The following MAP3K14 variants were observed in gnomAD, a reference collection of about 807,000 sequenced individuals.
MAP3K14 encodes mitogen-activated protein kinase kinase kinase 14.
In MAP3K14, 16 loss-of-function variants were observed where a neutral mutation model predicts 99.2. That is an observed-to-expected ratio of 0.16 (90% CI 0.11 to 0.24). The LOEUF is 0.24. Ranked by LOEUF, MAP3K14 falls within the 10% of genes least tolerant of loss-of-function variation. MAP3K14 has a pLI of 1.00. For missense variants in MAP3K14, 784 were observed against 1,208.7 expected (o/e 0.65, Z 5.21); for synonymous variants, 462 against 492.4 (o/e 0.94, Z 0.82).
intron 1 of MAP3K14, among the ~76,000 whole-genome samples, chr17:45,305,373 G>T (rs2143862767): frequency 6.7e-6 from 1 of 150,222 alleles, no homozygotes; most frequent in East Asian, 2.0e-4. Flanking sequence ...TGGGATTACA[G>T]GCGTGAGCCA....
chr17:45,289,153 AG>A (rs2044291406), intron 3 of MAP3K14, 82 bp downstream of exon 3: 12 of 1,250,122 alleles, frequency 9.6e-6, no homozygotes, highest in African/African-American at 3.0e-5. Context: ...CGGGGTCAGC[AG>A]GAGCGGCCCA....
chr17:45,305,323 C>G (rs2044422642), intron 1 of MAP3K14, among the ~76,000 whole-genome samples: 6 of 151,770 alleles, frequency 4.0e-5, no homozygotes, highest in Admixed American at 3.9e-4. Flanking sequence ...GTCTCGATCT[C>G]CTGACCTCGT....
intron 1 of MAP3K14, among the ~76,000 whole-genome samples, chr17:45,299,280 C>G (rs1395277446): frequency 1.3e-5 from 2 of 152,146 alleles, no homozygotes; most frequent in Admixed American, 6.5e-5. Flanking sequence ...TGGCCAGGCA[C>G]AGTGCCTCAT....
intron 8 of MAP3K14, 28 bp from the exon 9 acceptor site, chr17:45,273,635 G>A (rs779775081): frequency 1.9e-6 from 3 of 1,560,654 alleles, no homozygotes; most frequent in Non-Finnish European, 2.6e-6. Context: ...GGAGGAAGAG[G>A]AACAGGTGAG....
chr17:45,302,773 C>T (rs1445707497), intron 1 of MAP3K14, among the ~76,000 whole-genome samples: 2 of 152,202 alleles, frequency 1.3e-5, no homozygotes, highest in Non-Finnish European at 2.9e-5. Flanking sequence ...CAAGCACAAA[C>T]CCATGTGTGG....
At chr17:45,282,484 G>A (rs745839620) in intron 6 of MAP3K14, among the ~76,000 whole-genome samples, 8 of 151,606 alleles carry the variant, frequency 5.3e-5, no homozygotes, top group Non-Finnish European at 8.8e-5. Context: ...GGGTCTGTGG[G>A]GCTGAGGCTG....
At position 45,264,757 on chromosome 17, in the gene MAP3K14, G is replaced by A; in HGVS notation, c.2723C>T (p.Pro908Leu). 1 of 1,613,530 alleles carries A rather than the reference G, an allele frequency of 6.2e-7. No homozygotes were observed. Among genetic ancestry groups the A allele is most frequent in the South Asian group, 1.1e-5 (1 of 90,946 alleles). Residue 908 changes from proline (P) to leucine (L), a missense_variant, in exon 16 of 16, where the codon CCT (proline) becomes CTT (leucine). Pro to Leu is a moderately conservative substitution (Grantham distance 98, BLOSUM62 -3). Around this residue, in one of 5 missense-constraint regions of MAP3K14, gnomAD observed 130 missense variants for 220.4 expected, o/e 0.59. Coordinates refer to ENST00000344686, the MANE Select transcript of MAP3K14 (RefSeq NM_003954.5). ...TGGCACCTCCATGTCGTAGCGAACA[G>A]GCTGCCCGTCTTTGGTGACCAAGCT... The part of the protein sequence containing the change: ...AFSLVTKDGQ[P>L]VRYDMEVPDS...
At chr17:45,315,326 CA>C (rs1748228877) in intron 1 of MAP3K14, among the ~76,000 whole-genome samples, 1 of 152,122 alleles carries the variant, frequency 6.6e-6, no homozygotes, top group Non-Finnish European at 1.5e-5. Flanking sequence ...AGAAAACACT[CA>C]GAAGATGGCC....
intron 1 of MAP3K14, among the ~76,000 whole-genome samples, chr17:45,307,739 TAGG>T (rs2044441334): frequency 6.6e-6 from 1 of 152,216 alleles, no homozygotes; most frequent in East Asian, 1.9e-4. Context: ...GCTCCCTGTA[TAGG>T]AGAATTCAAG....
At chr17:45,311,401 C>T (rs972591117) in intron 1 of MAP3K14, among the ~76,000 whole-genome samples, 1 of 152,138 alleles carries the variant, frequency 6.6e-6, no homozygotes, top group African/African-American at 2.4e-5. Flanking sequence ...TGTAGTTGGT[C>T]CTGGACATTG....
At chr17:45,311,941 C>G (rs2044483086) in intron 1 of MAP3K14, among the ~76,000 whole-genome samples, 1 of 152,144 alleles carries the variant, frequency 6.6e-6, no homozygotes, top group Non-Finnish European at 1.5e-5. Flanking sequence ...CACTGCTGAT[C>G]TGGGCTCTGT....
chr17:45,295,408 C>T (rs1003913397), intron 1 of MAP3K14, among the ~76,000 whole-genome samples: 1 of 152,116 alleles, frequency 6.6e-6, no homozygotes, highest in Non-Finnish European at 1.5e-5. Context: ...TCTACAAAAT[C>T]CCTAGTTCTC....
chr17:45,265,374 T>G (rs1363744542), intron 14 of MAP3K14, 111 bp from the exon 15 acceptor site: 6 of 726,020 alleles, frequency 8.3e-6, no homozygotes, highest in Non-Finnish European at 1.5e-5. Flanking sequence ...CTGCCCTATG[T>G]AGGGGGAGCA....
chr17:45,291,049 G>C (rs760292643), intron 1 of MAP3K14: 20 of 317,512 alleles, frequency 6.3e-5, no homozygotes, highest in Admixed American at 8.5e-5. Flanking sequence ...CCCTCTAGGA[G>C]AGCTGTGGCA....
intron 1 of MAP3K14, among the ~76,000 whole-genome samples, chr17:45,302,181 T>A (rs2044394328): frequency 1.3e-5 from 2 of 151,406 alleles, no homozygotes; most frequent in African/African-American, 4.9e-5. Context: ...AAAAAAAAAA[T>A]ACAGAAGGGG....
At chr17:45,312,693 G>A (rs757535910) in intron 1 of MAP3K14, among the ~76,000 whole-genome samples, 3 of 152,098 alleles carry the variant, frequency 2.0e-5, no homozygotes, top group South Asian at 2.1e-4. Flanking sequence ...AGAAACACAC[G>A]TCACCATTCC....
intron 1 of MAP3K14, among the ~76,000 whole-genome samples, chr17:45,315,657 C>G (rs887156972): frequency 1.3e-5 from 2 of 152,182 alleles, no homozygotes; most frequent in African/African-American, 4.8e-5. Flanking sequence ...CTTCTCCCTC[C>G]TTTCTGCATC....
In MAP3K14 at chr17:45,267,537, A is replaced by G. The variant is rs1485793419; in HGVS notation, c.2195T>C (p.Leu732Ser). Reference protein sequence around the residue: ...PEPNKSPPLTLSKEESGMWEP... With the variant: ...PEPNKSPPLTSSKEESGMWEP... Reference sequence around the variant, plus strand: ...CCACATCCCAGACTCCTCCTTGCTCAAAGTCAAGGGAGGAGACTTGTTTGG... The same window carrying G: ...CCACATCCCAGACTCCTCCTTGCTCGAAGTCAAGGGAGGAGACTTGTTTGG... Residue 732 changes from leucine (L) to serine (S), a missense_variant, in exon 12 of 16, where the codon TTG becomes TCG. Physicochemically the swap from Leu to Ser is moderately radical, Grantham distance 145 (BLOSUM62 -2). Coordinates refer to ENST00000344686, the MANE Select transcript of MAP3K14 (RefSeq NM_003954.5). This position sits in a 1 kb window ranked among gnomAD's most constrained non-coding sequence, Gnocchi z 5.1. The G allele has an allele frequency of 1.1e-5, 17 of 1,613,416 alleles. No homozygotes were observed. The highest frequency in any genetic ancestry group is 1.3e-5 in the Non-Finnish European group (15 of 1,179,660).
At chr17:45,292,309 A>G (rs1205658670) in intron 1 of MAP3K14, among the ~76,000 whole-genome samples, 1 of 152,200 alleles carries the variant, frequency 6.6e-6, no homozygotes, top group Non-Finnish European at 1.5e-5. Context: ...CCATGCCTGT[A>G]ATCCCACCAC....
Sources: allele counts gnomAD v4.1 joint callset (sites outside exome capture counted in the v4.1 genomes callset), GRCh38; gene constraint gnomAD v4.1.1; regional missense constraint gnomAD v4.1.1; non-coding constraint Gnocchi (gnomAD v3.1); transcripts MANE v1.5; gene names NCBI Gene and HGNC (gene_info 2026-07-23, HGNC 2026-07-21).